Variants in ADAMTS3 observed in about 807,000 individuals in gnomAD.
ADAMTS3 encodes the protein A disintegrin and metalloproteinase with thrombospondin motifs 3.
In ADAMTS3, 73 loss-of-function variants were observed where a neutral mutation model predicts 129.0. That is an observed-to-expected ratio of 0.57 (90% CI 0.47 to 0.69). The LOEUF is 0.69. Among genes scored for constraint, ADAMTS3 ranks in the 30% least tolerant of loss-of-function variants. ADAMTS3 has a pLI of 0.00. For missense variants in ADAMTS3, 1,457 were observed against 1,514.5 expected, an observed-to-expected ratio of 0.96 and a Z score of 0.63; for synonymous variants, 477 against 510.8, an observed-to-expected ratio of 0.93 and a Z score of 0.89.
At chr4:72,368,991 C>G (rs1309702689) in intron 4 of ADAMTS3, among the ~76,000 whole-genome samples, 1 of 152,172 alleles carries the variant, frequency 6.6e-6, no homozygotes, top group Non-Finnish European at 1.5e-5. Context: ...TAATAACTAG[C>G]ACTGCTTTCA....
chr4:72,557,793 T>C (rs1286698314), intron 2 of ADAMTS3, among the ~76,000 whole-genome samples: 3 of 151,798 alleles, frequency 2.0e-5, no homozygotes, highest in Admixed American at 6.5e-5. Flanking sequence ...AAGAAAAATA[T>C]CCAAGCATTT....
At chr4:72,322,444 C>G (rs1182685640) in intron 6 of ADAMTS3, among the ~76,000 whole-genome samples, 1 of 152,138 alleles carries the variant, frequency 6.6e-6, no homozygotes, top group African/African-American at 2.4e-5. Flanking sequence ...CTACTATGTG[C>G]ATTTTTATCC....
chr4:72,534,796 AT>A (rs1229744742), intron 3 of ADAMTS3, among the ~76,000 whole-genome samples: 1 of 152,114 alleles, frequency 6.6e-6, no homozygotes, highest in South Asian at 2.1e-4. Context: ...CATGTTCCTA[AT>A]TTTTTTTCCA....
chr4:72,516,962 T>TG (rs1720502209), intron 3 of ADAMTS3, among the ~76,000 whole-genome samples: 2 of 152,192 alleles, frequency 1.3e-5, no homozygotes, highest in Non-Finnish European at 2.9e-5. Flanking sequence ...AGTATGATAT[T>TG]AGCTGTGAGT....
At chr4:72,435,180 A>T (rs1180536546) in intron 3 of ADAMTS3, among the ~76,000 whole-genome samples, 2 of 151,856 alleles carry the variant, frequency 1.3e-5, no homozygotes, top group Non-Finnish European at 2.9e-5. Context: ...CAAAAAAGAC[A>T]TTTGATTGCA....
chr4:72,508,105 C>A (rs1398527541), intron 3 of ADAMTS3, among the ~76,000 whole-genome samples: 2 of 152,078 alleles, frequency 1.3e-5, no homozygotes, highest in Non-Finnish European at 2.9e-5. Context: ...CTCTGAAGGG[C>A]AATAAACAAA....
At chr4:72,323,671 G>A (rs1422652331) in intron 5 of ADAMTS3, among the ~76,000 whole-genome samples, 2 of 152,170 alleles carry the variant, frequency 1.3e-5, no homozygotes, top group Non-Finnish European at 2.9e-5. Flanking sequence ...CAATATTTAA[G>A]TTACTAAGGA....
At chr4:72,481,499 A>T (rs1239032563) in intron 3 of ADAMTS3, among the ~76,000 whole-genome samples, 1 of 152,174 alleles carries the variant, frequency 6.6e-6, no homozygotes, top group Non-Finnish European at 1.5e-5. Context: ...TCCATAGACA[A>T]AAGAATAGCC....
chr4:72,383,313 G>A (rs1721345894), intron 4 of ADAMTS3, among the ~76,000 whole-genome samples: 1 of 152,188 alleles, frequency 6.6e-6, no homozygotes, highest in Admixed American at 6.6e-5. Context: ...CTAGAGAGGA[G>A]CTGTCACTTG....
intron 3 of ADAMTS3, among the ~76,000 whole-genome samples, chr4:72,547,032 C>T (rs1721485285): frequency 6.6e-6 from 1 of 152,116 alleles, no homozygotes; most frequent in Non-Finnish European, 1.5e-5. Flanking sequence ...CAGAGGGAAC[C>T]ATGAGCATCT....
chr4:72,416,695 T>A (rs1162910272), intron 3 of ADAMTS3, among the ~76,000 whole-genome samples: 1 of 152,178 alleles, frequency 6.6e-6, no homozygotes, highest in Non-Finnish European at 1.5e-5. Flanking sequence ...TCCTATTGGT[T>A]AATGGATTCA....
At chr4:72,323,523 G>C (rs556804110) in intron 5 of ADAMTS3, among the ~76,000 whole-genome samples, 1 of 152,288 alleles carries the variant, frequency 6.6e-6, no homozygotes, top group South Asian at 2.1e-4. Flanking sequence ...TGACAACCAG[G>C]GGTGCTACGT....
rs192112388 is a variant in ADAMTS3 at position 72,435,466 on chromosome 4, T to A, written c.505-20495A>T. Among the ~76,000 whole-genome samples, 310 of 152,030 alleles carry A rather than the reference T, an allele frequency of 2.0e-3. 4 individuals carry two copies. Among genetic ancestry groups the A allele is most frequent in the African/African-American group, 7.2e-3 (300 of 41,528 alleles). ...TTTTTACACTGAACATGTATTTTTT[T>A]AAAAAACCCTGCATTTTGAAAAAAT... On this transcript the variant is annotated intron_variant, in intron 3 of 21. Coordinates refer to ENST00000286657, the MANE Select transcript of ADAMTS3 (RefSeq NM_014243.3).
In ADAMTS3 at chr4:72,567,356, T is replaced by A; in HGVS notation, c.97+18A>T. 6.2e-7 allele frequency: 1 copy of A among 1,612,692 alleles called. No individual in the cohort carries two copies. The highest frequency in any genetic ancestry group is 1.1e-5 in the South Asian group (1 of 91,024). Reference sequence around the variant, plus strand: ...CTTTCAACTTAAGATAAGAGTGACATCTGAGAACAAAGCTTACCTATTTGC... The same window carrying A: ...CTTTCAACTTAAGATAAGAGTGACAACTGAGAACAAAGCTTACCTATTTGC... On this transcript the variant is annotated intron_variant, in intron 2 of 21. Transcript: ENST00000286657.
chr4:72,435,459 AT>A (rs1195515814), intron 3 of ADAMTS3, among the ~76,000 whole-genome samples: 3 of 151,874 alleles, frequency 2.0e-5, no homozygotes, highest in Admixed American at 6.6e-5. Context: ...CTGAACATGT[AT>A]TTTTTTAAAA....
chr4:72,310,974 A>T (rs1234701772), intron 14 of ADAMTS3, 74 bp downstream of exon 14: 1 of 1,362,664 alleles, frequency 7.3e-7, no homozygotes, highest in African/African-American at 1.5e-5. Flanking sequence ...AGTTTAAAAA[A>T]TTAAAAATGT....
At chr4:72,369,024 T>C (rs1169760614) in intron 4 of ADAMTS3, among the ~76,000 whole-genome samples, 1 of 152,196 alleles carries the variant, frequency 6.6e-6, no homozygotes, top group Non-Finnish European at 1.5e-5. Context: ...TTATTGAGTA[T>C]ATTCTGTGTT....
intron 4 of ADAMTS3, among the ~76,000 whole-genome samples, chr4:72,356,709 A>C (rs1720590625): frequency 6.6e-6 from 1 of 151,804 alleles, no homozygotes; most frequent in African/African-American, 2.4e-5. Context: ...TGAATACAAA[A>C]CCAATACACA....
rs905977507 is a variant in ADAMTS3, at chr4:72,519,004, C to T, written c.504+29474G>A. On this transcript the variant is annotated intron_variant, in intron 3 of 21. Coordinates refer to ENST00000286657, the MANE Select transcript of ADAMTS3 (RefSeq NM_014243.3). ...TTGTTCCTTTCCATGTTTAGTGCTTCCTTCAGGAGCTCTTTTAGGGCAGGC... is the reference window on the plus strand; with the variant it reads ...TTGTTCCTTTCCATGTTTAGTGCTTTCTTCAGGAGCTCTTTTAGGGCAGGC... 1.4e-3 allele frequency among the ~76,000 whole-genome samples: 206 copies of T among 151,696 alleles called. 1 individual carries two copies. Among genetic ancestry groups the T allele is most frequent in the Non-Finnish European group, 2.1e-3 (141 of 67,852 alleles).
Sources: gnomAD v4.1 joint callset for allele counts (sites outside exome capture counted in the v4.1 genomes callset) on GRCh38, gnomAD v4.1.1 for gene constraint, MANE v1.5 for transcripts, NCBI Gene and HGNC (gene_info 2026-07-23, HGNC 2026-07-21) for gene names.